Variants in UTP20 observed in about 807,000 individuals in gnomAD.
UTP20 encodes the protein small subunit processome component 20 homolog.
In UTP20, 164 loss-of-function variants were observed where a neutral mutation model predicts 329.5. The observed-to-expected ratio is 0.50, with a 90% confidence interval of 0.44 to 0.57. The LOEUF is 0.57. Ranked by LOEUF, UTP20 falls within the 20% of genes least tolerant of loss-of-function variation. The pLI is 0.00. For missense variants in UTP20, 3,055 were observed against 3,284.2 expected, an observed-to-expected ratio of 0.93 and a Z score of 1.71; for synonymous variants, 1,151 against 1,159.3, an observed-to-expected ratio of 0.99 and a Z score of 0.14.
intron 4 of UTP20, 31 bp from the exon 5 acceptor site, chr12:101,286,290 A>G: frequency 6.5e-7 from 1 of 1,528,596 alleles, no homozygotes. Context: ...AAAAAAATCC[A>G]CATGATCAGT....
At chr12:101,349,160 T>TTTTTG (rs1869433746) in intron 38 of UTP20, among the ~76,000 whole-genome samples, 2 of 152,088 alleles carry the variant, frequency 1.3e-5, no homozygotes, top group Admixed American at 6.6e-5. Context: ...GGGTTTTTTG[T>TTTTTG]TTTTGTTTTG....
intron 6 of UTP20, among the ~76,000 whole-genome samples, 186 bp downstream of exon 6, chr12:101,289,227 A>G (rs79864746): frequency 6.6e-6 from 1 of 152,040 alleles, no homozygotes; most frequent in Non-Finnish European, 1.5e-5. Context: ...AAATGCAAAA[A>G]TTAGCTGGGC....
Position 101,367,952 on chromosome 12 carries a change from C to T in UTP20, c.6360C>T (p.Asp2120=), listed in dbSNP as rs1201998272. The T allele has an allele frequency of 1.3e-5, 21 of 1,613,238 alleles. No homozygotes were observed. Among genetic ancestry groups the T allele is most frequent in the Non-Finnish European group, 1.8e-5 (21 of 1,179,292 alleles). The change falls in exon 48 of 62, where the codon GAC becomes GAT. Residue 2120 remains aspartate (D), a synonymous_variant. Coordinates refer to ENST00000261637, the MANE Select transcript of UTP20 (RefSeq NM_014503.3). ...ATCCTTTTGTGTCTCTCCTCATAGA[C>T]TGCCTGGGCTCCATGGATGTGAAGG... The part of the protein sequence containing the change: ...MLDPFVSLLI[D]CLGSMDVKVI...
chr12:101,348,656 CTTAT>C (rs1256033253), intron 38 of UTP20, among the ~76,000 whole-genome samples: 2 of 139,894 alleles, frequency 1.4e-5, no homozygotes, highest in Non-Finnish European at 3.2e-5. Context: ...TTTAAAATTT[CTTAT>C]TTATTTGTTG....
At chr12:101,364,755 A>G (rs17031345) in intron 45 of UTP20, among the ~76,000 whole-genome samples, 5,120 of 152,262 alleles carry the variant, frequency 0.034, 320 homozygotes, top group African/African-American at 0.12. Context: ...TGAACTCCAT[A>G]ATTACTCCTA....
At chr12:101,327,876 A>G (rs889067729) in intron 26 of UTP20, among the ~76,000 whole-genome samples, 1 of 148,004 alleles carries the variant, frequency 6.8e-6, no homozygotes, top group African/African-American at 2.4e-5. Flanking sequence ...AGACCCATTT[A>G]CTTATAACTC....
In UTP20 at chr12:101,321,061, G is replaced by A. The variant is rs140262999; in HGVS notation, c.2915+124G>A. On this transcript the variant is annotated intron_variant, in intron 24 of 61. Coordinates refer to ENST00000261637, the MANE Select transcript of UTP20 (RefSeq NM_014503.3). The stretch of plus-strand genomic sequence containing the variant: ...AGTTTCCCTTTTTTCTGAGGTCATC[G>A]TATTTCCAAGCAAGAAATGAAAACG... 95 of 772,374 alleles carry A rather than the reference G, an allele frequency of 1.2e-4. 1 individual carries two copies. In the African/African-American group the frequency reaches 1.5e-3, roughly 12 times the overall value. 47.8% of individuals were successfully genotyped at this position (772,374 alleles called of 1,614,324 possible). A position where few individuals can be genotyped will look rare whatever the true frequency, so the allele number is the denominator to read the frequency against.
In UTP20 at chr12:101,375,038, ATATTTATAGCTATAGC is replaced by A. The variant is rs1236096324; in HGVS notation, c.7263+112_7263+127del. ...ATATCAGCTTATAGGTTAAATATTT[ATATTTATAGCTATAGC>A]TATTTATAGCTAATCAATTAAATAT... On this transcript the variant is annotated intron_variant, in intron 55 of 61. Transcript: ENST00000261637. 2.5e-5 allele frequency: 20 copies of A among 797,088 alleles called. No individual in the cohort carries two copies. In the East Asian group the frequency reaches 4.5e-4, roughly 18 times the overall value. The allele number at this position is 797,088 out of a possible 1,614,324, so 49.4% of individuals were successfully genotyped here. A position where few individuals can be genotyped will look rare whatever the true frequency, so the allele number is the denominator to read the frequency against.
intron 29 of UTP20, among the ~76,000 whole-genome samples, chr12:101,335,620 CA>C (rs1868908489): frequency 6.6e-6 from 1 of 152,168 alleles, no homozygotes; most frequent in African/African-American, 2.4e-5. Context: ...CTCTCATGGT[CA>C]GAAAAGGTTT....
In UTP20 at chr12:101,282,186, A is replaced by G. The variant is rs1044412993; in HGVS notation, c.126+990A>G. ...GCATTATCTCCACTGTGTAAATTCA[A>G]TGTGTTAAATGATGTCGTCTAGGTG... On this transcript the variant is annotated intron_variant, in intron 2 of 61. Transcript: ENST00000261637. Among the ~76,000 whole-genome samples the G allele has an allele frequency of 3.9e-4, 59 of 152,310 alleles. 1 individual carries two copies. The highest frequency in any genetic ancestry group is 3.4e-3 in the Middle Eastern group (1 of 294).
intron 2 of UTP20, among the ~76,000 whole-genome samples, chr12:101,282,844 TAGAG>T (rs1239593196): frequency 1.3e-5 from 2 of 152,134 alleles, no homozygotes; most frequent in East Asian, 3.8e-4. Flanking sequence ...GCAATCAAGA[TAGAG>T]AGAAGAGAAA....
chr12:101,320,636 G>A (rs1315668157), intron 23 of UTP20, among the ~76,000 whole-genome samples: 2 of 152,026 alleles, frequency 1.3e-5, no homozygotes, highest in Admixed American at 1.3e-4. Flanking sequence ...GGATGCAGGT[G>A]TCAGAGAGTT....
At chr12:101,338,715 C>A in intron 30 of UTP20, 98 bp from the exon 31 acceptor site, 1 of 990,914 alleles carries the variant, frequency 1.0e-6, no homozygotes, top group Non-Finnish European at 1.4e-6. Context: ...CTTAAATGTT[C>A]ATAGTGGTTG....
chr12:101,383,723 C>A (rs755194716), intron 60 of UTP20, 54 bp downstream of exon 60: 2 of 1,407,878 alleles, frequency 1.4e-6, no homozygotes, highest in Non-Finnish European at 1.9e-6. Flanking sequence ...TTTCTAACTT[C>A]TCTCCTGAAT....
At chr12:101,349,319 C>T (rs958615909) in intron 38 of UTP20, among the ~76,000 whole-genome samples, 6 of 151,014 alleles carry the variant, frequency 4.0e-5, no homozygotes, top group East Asian at 1.9e-4. Flanking sequence ...ACCTTAGTGT[C>T]GTTTCTTTTA....
chr12:101,364,540 A>C (rs2121008061), intron 45 of UTP20, among the ~76,000 whole-genome samples: 1 of 152,336 alleles, frequency 6.6e-6, no homozygotes, highest in Middle Eastern at 3.4e-3. Flanking sequence ...TTCTGATCCA[A>C]GTTCACATTC....
Position 101,386,069 on chromosome 12 carries a change from T to G in UTP20, c.8304T>G (p.Tyr2768Ter). 6.2e-7 allele frequency: 1 copy of G among 1,609,400 alleles called. No homozygotes were observed. The change falls in exon 62 of 62, where the codon TAT becomes TAG. Residue 2768 changes from tyrosine to a stop codon, truncating the protein, a stop_gained. Transcript: ENST00000261637. LOFTEE classifies it high-confidence loss of function. ...AGATAGAGTTCCTGCGTCCAGGATA[T>G]AAGGCCAAGAGACAAAAAAGCCATA... ...KRKIEFLRPG[Y>*]KAKRQKSHSL... is the part of the protein sequence containing the mutation.
chr12:101,345,540 C>T lies in UTP20; in HGVS notation c.4606-14C>T. 1.4e-6 allele frequency: 2 copies of T among 1,453,282 alleles called. No individual in the cohort carries two copies. Among genetic ancestry groups the T allele is most frequent in the South Asian group, 2.9e-5 (2 of 69,930 alleles). The allele number at this position is 1,453,282 out of a possible 1,614,324, so 90.0% of individuals were successfully genotyped here. ...TTTAAAATAAAATGTTTTTTCTCCA[C>T]TTCATATTTACAGAGTATTCAGCAG... On this transcript the variant is annotated splice_polypyrimidine_tract_variant and intron_variant, in intron 36 of 61. Coordinates refer to ENST00000261637, the MANE Select transcript of UTP20 (RefSeq NM_014503.3).
At chr12:101,382,249 A>G (rs552417332) in intron 58 of UTP20, among the ~76,000 whole-genome samples, 18 of 151,798 alleles carry the variant, frequency 1.2e-4, no homozygotes, top group Non-Finnish European at 2.4e-4. Context: ...TACTAAAAAT[A>G]CAAAAATTAG....
Sources: gnomAD v4.1 joint callset for allele counts (sites outside exome capture counted in the v4.1 genomes callset) on GRCh38, gnomAD v4.1.1 for gene constraint, MANE v1.5 for transcripts, NCBI Gene and HGNC (gene_info 2026-07-23, HGNC 2026-07-21) for gene names.